The following CTBP2 variants were observed in gnomAD, a reference collection of about 807,000 sequenced individuals.
The protein encoded by CTBP2 is C-terminal binding protein 2.
CTBP2 carries 30 observed loss-of-function variants against 80.3 expected under a neutral mutation model. That is an observed-to-expected ratio of 0.37 (90% CI 0.28 to 0.51). CTBP2 has a LOEUF of 0.51. CTBP2 is among the 20% of genes least tolerant of loss of function. The pLI, the probability that CTBP2 is intolerant of heterozygous loss-of-function variation, is 0.93. For synonymous variants in CTBP2, 594 were observed against 587.4 expected (o/e 1.01, Z -0.16); for missense variants, 1,212 against 1,375.3 (o/e 0.88, Z 1.88).
chr10:125,098,756 G>GAGAC (rs1850117760), intron 2 of CTBP2, among the ~76,000 whole-genome samples: 2 of 123,650 alleles, frequency 1.6e-5, no homozygotes, highest in Non-Finnish European at 3.4e-5. Flanking sequence ...GAGACAGAGA[G>GAGAC]AGAGAGAGAG....
At chr10:125,067,460 G>A (rs1354825891) in intron 2 of CTBP2, among the ~76,000 whole-genome samples, 1 of 152,126 alleles carries the variant, frequency 6.6e-6, no homozygotes, top group Non-Finnish European at 1.5e-5. Context: ...AATGTCAAAT[G>A]ATAATAAGGA....
chr10:125,022,118 G>A (rs989299001), intron 1 of CTBP2, among the ~76,000 whole-genome samples: 4 of 152,212 alleles, frequency 2.6e-5, no homozygotes, highest in Non-Finnish European at 5.9e-5. Context: ...TCTGCCCCAC[G>A]CCGGCCTGGG....
chr10:125,024,287 A>T (rs760011443), intron 1 of CTBP2, among the ~76,000 whole-genome samples: 4 of 152,200 alleles, frequency 2.6e-5, no homozygotes, highest in Non-Finnish European at 5.9e-5. Context: ...ATGAGGAGGG[A>T]AACTGCAGCT....
intron 2 of CTBP2, among the ~76,000 whole-genome samples, chr10:125,052,841 C>G (rs971233317): frequency 6.6e-6 from 1 of 152,192 alleles, no homozygotes; most frequent in Non-Finnish European, 1.5e-5. Flanking sequence ...TGGAATTGGG[C>G]GCTTGGATCA....
rs76759147 is a variant in CTBP2, at chr10:125,108,100, T to C, written c.-102+2890A>G. Among the ~76,000 whole-genome samples the C allele has an allele frequency of 7.2e-3, 1,095 of 152,324 alleles. 8 individuals are homozygous for C. The highest frequency in any genetic ancestry group is 0.024 in the African/African-American group (996 of 41,566). On this transcript the variant is annotated intron_variant, in intron 2 of 10. Coordinates refer to the CTBP2 transcript ENST00000337195. ...GAAGCCAGCAAAGCCATCTGGCACA[T>C]TGAGCTTTCATTCTGACAAATAGCA...
rs553839153 is a variant in CTBP2, at chr10:125,025,943, G to C, written c.1678+139C>G. 2.7e-5 allele frequency: 32 copies of C among 1,184,344 alleles called. 1 individual carries two copies. In the South Asian group the frequency reaches 3.1e-4, roughly 11 times the overall value. The allele number at this position is 1,184,344 out of a possible 1,614,324, so 73.4% of individuals were successfully genotyped here. On this transcript the variant is annotated intron_variant, in intron 1 of 8. Coordinates refer to ENST00000309035, the MANE Select transcript of CTBP2 (RefSeq NM_022802.3). ...AGCCGTGTCAACTGGCCACAGTGCT[G>C]CGTCCTTCTTGTTTGGTGGTGTGTG...
At chr10:125,117,916 C>A (rs995993668) in intron 1 of CTBP2, among the ~76,000 whole-genome samples, 3 of 152,194 alleles carry the variant, frequency 2.0e-5, no homozygotes, top group Non-Finnish European at 4.4e-5. Flanking sequence ...AGAGTCTCAA[C>A]TCTGAGAAGA....
chr10:125,141,396 G>A (rs985525430), intron 1 of CTBP2, among the ~76,000 whole-genome samples: 3 of 152,106 alleles, frequency 2.0e-5, no homozygotes, highest in Non-Finnish European at 4.4e-5. Flanking sequence ...ATCTACCCTC[G>A]GGGCCGGCAC....
At chr10:125,001,233 C>G (rs544393305) in intron 3 of CTBP2, 2 of 152,236 alleles carry the variant, frequency 1.3e-5, no homozygotes, top group African/African-American at 4.8e-5. Flanking sequence ...CTGGTCCAGC[C>G]GAGGAAGGGC....
chr10:125,005,725 T>C, intron 1 of CTBP2: 1 of 1,612,894 alleles, frequency 6.2e-7, no homozygotes. Context: ...TTCCACAAGA[T>C]TCCTTCTGTT....
intron 1 of CTBP2, among the ~76,000 whole-genome samples, chr10:125,004,843 G>A (rs1221550663): frequency 6.6e-6 from 1 of 152,184 alleles, no homozygotes; most frequent in Non-Finnish European, 1.5e-5. Context: ...GCACAAGGCA[G>A]CAGGCTCAGG....
intron 2 of CTBP2, among the ~76,000 whole-genome samples, chr10:125,085,454 G>A (rs1015447783): frequency 2.0e-5 from 3 of 152,004 alleles, no homozygotes; most frequent in Admixed American, 1.3e-4. Context: ...AGCCACCTCC[G>A]TGTGCAACAG....
At chr10:125,122,200 G>T (rs1854440410) in intron 1 of CTBP2, among the ~76,000 whole-genome samples, 2 of 152,204 alleles carry the variant, frequency 1.3e-5, no homozygotes, top group Admixed American at 1.3e-4. Flanking sequence ...ACTTACACAC[G>T]TATGTAACTG....
chr10:125,044,498 G>A (rs1960739356), intron 2 of CTBP2, among the ~76,000 whole-genome samples: 2 of 152,248 alleles, frequency 1.3e-5, no homozygotes, highest in Admixed American at 6.5e-5. Context: ...ATAGGCTTCA[G>A]AAGCCAAACT....
chr10:125,143,402 C>T (rs1321070289), intron 1 of CTBP2, among the ~76,000 whole-genome samples: 2 of 152,236 alleles, frequency 1.3e-5, no homozygotes, highest in South Asian at 2.1e-4. Context: ...TGCTTGAACC[C>T]GGGAGGCAGA....
intron 1 of CTBP2, among the ~76,000 whole-genome samples, chr10:125,130,531 T>A (rs1235331613): frequency 3.3e-5 from 5 of 152,212 alleles, no homozygotes; most frequent in African/African-American, 9.6e-5. Flanking sequence ...GACTTCTCAA[T>A]CTGAAGTTGC....
At chr10:125,115,649 G>A (rs566214036) in intron 1 of CTBP2, among the ~76,000 whole-genome samples, 6 of 152,282 alleles carry the variant, frequency 3.9e-5, no homozygotes, top group East Asian at 3.9e-4. Flanking sequence ...GGCTGAGGCC[G>A]TTATCCACCT....
chr10:125,011,581 G>A (rs1441466631), intron 1 of CTBP2, among the ~76,000 whole-genome samples: 1 of 152,148 alleles, frequency 6.6e-6, no homozygotes, highest in Non-Finnish European at 1.5e-5. Context: ...ACACCATCAA[G>A]TTCAGAAAAA....
chr10:125,118,040 C>G (rs944704485), intron 1 of CTBP2, among the ~76,000 whole-genome samples: 14 of 152,218 alleles, frequency 9.2e-5, no homozygotes, highest in African/African-American at 3.4e-4. Flanking sequence ...AAAGGCCCAA[C>G]AGCCAAGATT....
Sources: gnomAD v4.1 joint callset for allele counts (sites outside exome capture counted in the v4.1 genomes callset) on GRCh38, gnomAD v4.1.1 for gene constraint, MANE v1.5 for transcripts, NCBI Gene and HGNC (gene_info 2026-07-23, HGNC 2026-07-21) for gene names.